The following LOC127933115 variants were observed in gnomAD, a reference collection of about 807,000 sequenced individuals.
the LOC127933115 span, chrX:23,783,306 A>G: frequency 8.6e-7 from 1 of 1,156,808 alleles, no homozygotes; most frequent in Non-Finnish European, 1.2e-6. Context: ...CTACTGTTCA[A>G]GTACAGGGGC....
chrX:23,783,307 G>C, the LOC127933115 span: 1 of 1,162,808 alleles, frequency 8.6e-7, no homozygotes, highest in Non-Finnish European at 1.2e-6. Context: ...TACTGTTCAA[G>C]TACAGGGGCC....
the LOC127933115 span, chrX:23,783,289 C>T: frequency 9.4e-7 from 1 of 1,067,214 alleles, no homozygotes; most frequent in Non-Finnish European, 1.3e-6. Context: ...TGAGGAACCA[C>T]CTCCTCCTAC....
At chrX:23,783,334 G>T in the LOC127933115 span, 1 of 1,208,816 alleles carries the variant, frequency 8.3e-7, no homozygotes, top group Admixed American at 2.2e-5. Context: ...GCAAAGGGAA[G>T]AAAAGCAAAA....
chrX:23,783,316 C>T, the LOC127933115 span: 2 of 1,181,732 alleles, frequency 1.7e-6, no homozygotes, highest in Admixed American at 2.2e-5. Context: ...AGTACAGGGG[C>T]CTGGTCCGCA....
the LOC127933115 span, chrX:23,783,299 C>T: frequency 2.7e-5 from 30 of 1,110,040 alleles, no homozygotes; most frequent in Non-Finnish European, 3.6e-5. Context: ...CCTCCTCCTA[C>T]TGTTCAAGTA....
chrX:23,783,318 T>A, the LOC127933115 span: 1 of 1,189,958 alleles, frequency 8.4e-7, no homozygotes. Flanking sequence ...TACAGGGGCC[T>A]GGTCCGCAAA....
At chrX:23,783,361 T>C in the LOC127933115 span, 1 of 1,211,099 alleles carries the variant, frequency 8.3e-7, no homozygotes, top group Non-Finnish European at 1.1e-6. Flanking sequence ...AATGGCTAAA[T>C]TCGTGATCCG....
the LOC127933115 span, chrX:23,783,345 G>A: frequency 6.6e-6 from 8 of 1,210,449 alleles, no homozygotes; most frequent in Non-Finnish European, 8.9e-6. Context: ...AAAAGCAAAA[G>A]ACGAAAATGG....
At chrX:23,783,295 C>T in the LOC127933115 span, 103 of 1,093,076 alleles carry the variant, frequency 9.4e-5, no homozygotes, top group Non-Finnish European at 1.2e-4. Flanking sequence ...ACCACCTCCT[C>T]CTACTGTTCA....
chrX:23,783,318 T>G, the LOC127933115 span: 1 of 1,189,957 alleles, frequency 8.4e-7, no homozygotes, highest in Non-Finnish European at 1.1e-6. Context: ...TACAGGGGCC[T>G]GGTCCGCAAA....
chrX:23,783,290 C>G, the LOC127933115 span: 9 of 1,066,898 alleles, frequency 8.4e-6, no homozygotes, highest in South Asian at 1.7e-4. Flanking sequence ...GAGGAACCAC[C>G]TCCTCCTACT....
chrX:23,783,347 C>G, the LOC127933115 span: 1 of 1,208,846 alleles, frequency 8.3e-7, no homozygotes, highest in Non-Finnish European at 1.1e-6. Flanking sequence ...AAGCAAAAGA[C>G]GAAAATGGCT....
At chrX:23,783,290 C>A in the LOC127933115 span, 1 of 1,068,509 alleles carries the variant, frequency 9.4e-7, no homozygotes, top group Non-Finnish European at 1.3e-6. Context: ...GAGGAACCAC[C>A]TCCTCCTACT....
the LOC127933115 span, chrX:23,783,327 A>G: frequency 8.3e-7 from 1 of 1,203,526 alleles, no homozygotes; most frequent in Non-Finnish European, 1.1e-6. Context: ...CTGGTCCGCA[A>G]AGGGAAGAAA....
the LOC127933115 span, chrX:23,783,323 C>T: frequency 8.3e-7 from 1 of 1,200,048 alleles, no homozygotes. Flanking sequence ...GGGCCTGGTC[C>T]GCAAAGGGAA....
chrX:23,783,296 C>T, the LOC127933115 span: 1 of 1,101,375 alleles, frequency 9.1e-7, no homozygotes, highest in Non-Finnish European at 1.3e-6. Flanking sequence ...CCACCTCCTC[C>T]TACTGTTCAA....
the LOC127933115 span, chrX:23,783,313 G>GGGCC: frequency 8.5e-7 from 1 of 1,175,771 alleles, no homozygotes; most frequent in Non-Finnish European, 1.2e-6. Context: ...TCAAGTACAG[G>GGGCC]GGCCTGGTCC....
At chrX:23,783,322 C>T in the LOC127933115 span, 2 of 1,198,827 alleles carry the variant, frequency 1.7e-6, no homozygotes, top group East Asian at 5.9e-5. Flanking sequence ...GGGGCCTGGT[C>T]CGCAAAGGGA....
chrX:23,783,298 A>G, the LOC127933115 span: 2 of 1,103,232 alleles, frequency 1.8e-6, no homozygotes, highest in African/African-American at 1.8e-5. Context: ...ACCTCCTCCT[A>G]CTGTTCAAGT....
Sources: allele counts gnomAD v4.1 joint callset, GRCh38; gene constraint gnomAD v4.1.1; transcripts MANE v1.5.